Variants in PTPRG observed in about 807,000 individuals in gnomAD.
PTPRG encodes the protein protein tyrosine phosphatase receptor type G.
PTPRG carries 102 observed loss-of-function variants against 165.3 expected under a neutral mutation model. The ratio of observed to expected loss-of-function variants is 0.62; its 90% CI spans 0.53 to 0.73. The LOEUF is 0.73. PTPRG is among the 30% of genes least tolerant of loss of function. The pLI is 0.00. For synonymous variants in PTPRG, 675 were observed against 669.5 expected, an observed-to-expected ratio of 1.01 and a Z score of -0.13; for missense variants, 1,866 against 1,861.4, an observed-to-expected ratio of 1.00 and a Z score of -0.05.
chr3:61,714,743 G>A (rs144828679), intron 1 of PTPRG, among the ~76,000 whole-genome samples: 15 of 152,186 alleles, frequency 9.9e-5, no homozygotes, highest in East Asian at 9.7e-4. Context: ...GTTCAGAGGC[G>A]CCACGTGAGC....
intron 2 of PTPRG, among the ~76,000 whole-genome samples, chr3:61,831,272 TCA>T (rs1363139791): frequency 3.3e-5 from 5 of 152,198 alleles, no homozygotes; most frequent in African/African-American, 1.2e-4. Context: ...AACATCTGTC[TCA>T]CAACTTTTGT....
At chr3:62,088,765 C>G (rs1313438268) in intron 5 of PTPRG, among the ~76,000 whole-genome samples, 7 of 152,230 alleles carry the variant, frequency 4.6e-5, no homozygotes, top group Non-Finnish European at 1.0e-4. Context: ...CAATGAAACT[C>G]CCTTGCAGAG....
At chr3:62,146,129 C>CTA (rs1166919216) in intron 6 of PTPRG, among the ~76,000 whole-genome samples, 1 of 152,204 alleles carries the variant, frequency 6.6e-6, no homozygotes, top group Non-Finnish European at 1.5e-5. Context: ...CTGTATGACT[C>CTA]TATATAATTT....
At chr3:62,067,742 G>A (rs535247673) in intron 4 of PTPRG, among the ~76,000 whole-genome samples, 1 of 152,054 alleles carries the variant, frequency 6.6e-6, no homozygotes, top group Non-Finnish European at 1.5e-5. Flanking sequence ...GAATCTAATG[G>A]CATCCTGATC....
chr3:61,562,092 T>A lies in PTPRG; in HGVS notation c.-196T>A. On this transcript the variant is annotated 5_prime_UTR_variant, in exon 1 of 30. Transcript: ENST00000474889. ...CCCCAGCGTGGCTCTGCGTTCCCGG[T>A]CACTTTTTGAGATTTTCCGGGGGGC... The A allele has an allele frequency of 1.8e-6, 1 of 569,818 alleles. No homozygotes were observed. Among genetic ancestry groups the A allele is most frequent in the Non-Finnish European group, 3.1e-6 (1 of 320,648 alleles). 35.3% of individuals were successfully genotyped at this position (569,818 alleles called of 1,614,324 possible).
intron 1 of PTPRG, among the ~76,000 whole-genome samples, chr3:61,722,244 CAT>C (rs1553655226): frequency 8.6e-5 from 13 of 151,954 alleles, no homozygotes; most frequent in South Asian, 4.2e-4. Flanking sequence ...CACACACACA[CAT>C]GCACAAAAGA....
intron 2 of PTPRG, among the ~76,000 whole-genome samples, chr3:61,899,510 A>G (rs1423402690): frequency 6.6e-6 from 1 of 152,136 alleles, no homozygotes; most frequent in African/African-American, 2.4e-5. Context: ...TTCAGGAGAG[A>G]GAGCTGTCGG....
intron 2 of PTPRG, among the ~76,000 whole-genome samples, chr3:61,867,749 G>A (rs1292079217): frequency 1.3e-5 from 2 of 152,124 alleles, no homozygotes; most frequent in Non-Finnish European, 2.9e-5. Flanking sequence ...CATCCAGTTA[G>A]CAATGCAGTT....
At chr3:62,277,839 G>C (rs1196297266) in intron 26 of PTPRG, among the ~76,000 whole-genome samples, 160 bp downstream of exon 26, 2 of 152,018 alleles carry the variant, frequency 1.3e-5, no homozygotes, top group Non-Finnish European at 2.9e-5. Context: ...TCCTTTCATA[G>C]TCTCACAATA....
At chr3:61,596,897 A>G (rs1700715584) in intron 1 of PTPRG, among the ~76,000 whole-genome samples, 1 of 152,160 alleles carries the variant, frequency 6.6e-6, no homozygotes, top group Admixed American at 6.5e-5. Flanking sequence ...TTAGTAACAT[A>G]TGTCTTAGTC....
intron 1 of PTPRG, among the ~76,000 whole-genome samples, chr3:61,625,645 G>A (rs1288665641): frequency 1.3e-5 from 2 of 152,098 alleles, no homozygotes; most frequent in Non-Finnish European, 2.9e-5. Context: ...TACACGTCAT[G>A]GGATGTTTGC....
intron 14 of PTPRG, among the ~76,000 whole-genome samples, chr3:62,243,018 A>C (rs969636284): frequency 5.9e-5 from 9 of 151,972 alleles, no homozygotes; most frequent in Non-Finnish European, 1.2e-4. Context: ...AGCTTCATTA[A>C]ATATTCAGCC....
Position 61,562,024 on chromosome 3 carries a change from C to A in PTPRG, c.-264C>A. On this transcript the variant is annotated 5_prime_UTR_variant, in exon 1 of 30. Coordinates refer to ENST00000474889, the MANE Select transcript of PTPRG (RefSeq NM_002841.4). ...CCGCGCCCTGCCCGATCGGCTCTCT[C>A]CTTTTTAAACGGAAAGCAGCCTTTC... is the stretch of plus-strand genomic sequence containing the variant. 2.3e-6 allele frequency: 1 copy of A among 438,696 alleles called. No homozygotes were observed. The highest frequency in any genetic ancestry group is 3.0e-5 in the South Asian group (1 of 33,732). The allele number at this position is 438,696 out of a possible 1,614,324, so 27.2% of individuals were successfully genotyped here.
chr3:61,824,659 G>C (rs1352385400), intron 2 of PTPRG, among the ~76,000 whole-genome samples: 1 of 152,142 alleles, frequency 6.6e-6, no homozygotes, highest in Non-Finnish European at 1.5e-5. Context: ...AAATTAACTA[G>C]GTATGGTGGC....
chr3:62,113,458 C>T (rs570326605), intron 5 of PTPRG, among the ~76,000 whole-genome samples: 2 of 151,906 alleles, frequency 1.3e-5, no homozygotes, highest in Non-Finnish European at 2.9e-5. Context: ...ACAAATGTGC[C>T]GAATTTGATA....
chr3:62,076,622 C>T (rs184958720), intron 4 of PTPRG, among the ~76,000 whole-genome samples: 6 of 150,622 alleles, frequency 4.0e-5, no homozygotes, highest in Non-Finnish European at 7.4e-5. Context: ...GCTCTTGTTG[C>T]CCAGGCTGGA....
intron 5 of PTPRG, among the ~76,000 whole-genome samples, 178 bp from the exon 6 acceptor site, chr3:62,132,424 C>A (rs922078949): frequency 3.9e-5 from 6 of 152,196 alleles, no homozygotes; most frequent in African/African-American, 1.4e-4. Flanking sequence ...TAAACTTCCT[C>A]ACTTGATTTT....
At position 62,074,316 on chromosome 3, in the gene PTPRG, T is replaced by C. The variant is rs1485823276; in HGVS notation, c.520-3847T>C. Among the ~76,000 whole-genome samples, 3 of 149,326 alleles carry C rather than the reference T, an allele frequency of 2.0e-5. No homozygotes were observed. The South Asian group carries it at 6.4e-4, about 32-fold the overall frequency. On this transcript the variant is annotated intron_variant, in intron 4 of 29. Transcript: ENST00000474889. ...TCCCTTTATTGCTGGATTTTCCAGA[T>C]CTTTTTTTCTTTTTTTCCTTTCTTT...
chr3:61,943,181 A>G (rs2107609751), intron 2 of PTPRG, among the ~76,000 whole-genome samples: 1 of 152,306 alleles, frequency 6.6e-6, no homozygotes, highest in South Asian at 2.1e-4. Flanking sequence ...TTGTAGTAGG[A>G]AGGGAATTGC....
Sources: gnomAD v4.1 joint callset for allele counts (sites outside exome capture counted in the v4.1 genomes callset) on GRCh38, gnomAD v4.1.1 for gene constraint, MANE v1.5 for transcripts, NCBI Gene and HGNC (gene_info 2026-07-23, HGNC 2026-07-21) for gene names.